Variants in NKIRAS1 observed in about 807,000 individuals in gnomAD.
NKIRAS1 encodes the protein NF-kappa-B inhibitor-interacting Ras-like protein 1.
In NKIRAS1, 16 loss-of-function variants were observed where a neutral mutation model predicts 19.8. The observed-to-expected ratio is 0.81, with a 90% CI of 0.55 to 1.23. The LOEUF is 1.23. Among genes scored for constraint, NKIRAS1 ranks in the 50% most tolerant of loss-of-function variants. The probability of loss-of-function intolerance (pLI) is 0.00; values close to 1 mark genes in which losing one functional copy is unlikely to be tolerated. For missense variants in NKIRAS1, 184 were observed against 220.0 expected (o/e 0.84, Z 1.04); for synonymous variants, 88 against 79.0 (o/e 1.11, Z -0.61).
intron 3 of NKIRAS1, among the ~76,000 whole-genome samples, chr3:23,904,756 TAA>T (rs771270628): frequency 3.2e-4 from 49 of 152,212 alleles, no homozygotes; most frequent in Non-Finnish European, 6.8e-4. Context: ...CTGATAAAGT[TAA>T]AGAGACACAC....
intron 3 of NKIRAS1, among the ~76,000 whole-genome samples, chr3:23,910,355 A>T (rs1703567774): frequency 6.7e-6 from 1 of 150,154 alleles, no homozygotes; most frequent in South Asian, 2.1e-4. Context: ...AGGTTTCACC[A>T]TGTTGGCCAG....
chr3:23,932,142 T>C (rs1705329199), intron 1 of NKIRAS1, among the ~76,000 whole-genome samples: 1 of 152,128 alleles, frequency 6.6e-6, no homozygotes, highest in Admixed American at 6.5e-5. Context: ...AAGTCAGAAG[T>C]GATCATAGAG....
chr3:23,910,659 C>A, intron 3 of NKIRAS1, 152 bp downstream of exon 3: 1 of 614,540 alleles, frequency 1.6e-6, no homozygotes. Context: ...GACTTTTTTC[C>A]CTCCTCTTTT....
rs1025769327 is a variant in NKIRAS1 at position 23,892,664 on chromosome 3, G to C, written c.*431C>G. On this transcript the variant is annotated 3_prime_UTR_variant, in exon 5 of 5. Coordinates refer to ENST00000425478, the MANE Select transcript of NKIRAS1 (RefSeq NM_020345.4). Reference sequence around the variant, plus strand: ...CACAAAAAAATGTTTTATAATCCTAGACATTAGATTAATGAACTTTTTAAA... The same window carrying C: ...CACAAAAAAATGTTTTATAATCCTACACATTAGATTAATGAACTTTTTAAA... 1 of 152,684 alleles carries C rather than the reference G, an allele frequency of 6.5e-6. No homozygotes were observed. The highest frequency in any genetic ancestry group is 2.4e-5 in the African/African-American group (1 of 41,450). The allele number at this position is 152,684 out of a possible 1,614,324, so 9.5% of individuals were successfully genotyped here.
In NKIRAS1 at chr3:23,916,924, C is replaced by T. The variant is rs1042950150; in HGVS notation, c.-280G>A. On this transcript the variant is annotated 5_prime_UTR_variant, in exon 1 of 5. Transcript: ENST00000425478. ...TTAGCCGCCGAGACCTCGCCGCCAACTCTCTCACCTCTCGAGACGCCCAGG... is the reference window on the plus strand; with the variant it reads ...TTAGCCGCCGAGACCTCGCCGCCAATTCTCTCACCTCTCGAGACGCCCAGG... 10 of 152,716 alleles carry T rather than the reference C, an allele frequency of 6.5e-5. No homozygotes were observed. The highest frequency in any genetic ancestry group is 2.2e-4 in the African/African-American group (9 of 41,470). 9.5% of individuals were successfully genotyped at this position (152,716 alleles called of 1,614,324 possible).
rs1701622093 is a variant in NKIRAS1 at position 23,893,357 on chromosome 3, A to G, written c.337-20T>C. The G allele has an allele frequency of 1.2e-6, 2 of 1,610,028 alleles. No individual in the cohort carries two copies. Among genetic ancestry groups the G allele is most frequent in the Non-Finnish European group, 1.7e-6 (2 of 1,178,070 alleles). On this transcript the variant is annotated intron_variant, in intron 4 of 4. Transcript: ENST00000425478. ...TGCTACCTGAAAGAAAACGGATTGA[A>G]AAGATCATACTAGTACTTTGCCAAC...
intron 1 of NKIRAS1, among the ~76,000 whole-genome samples, chr3:23,928,129 T>TAC (rs1287657348): frequency 9.5e-6 from 1 of 104,970 alleles, no homozygotes; most frequent in Non-Finnish European, 1.9e-5. Context: ...CACACACACA[T>TAC]ACACACACAC....
intron 4 of NKIRAS1, among the ~76,000 whole-genome samples, chr3:23,898,941 A>G (rs554988182): frequency 6.6e-6 from 1 of 152,154 alleles, no homozygotes; most frequent in African/African-American, 2.4e-5. Context: ...TGAACTGCAC[A>G]TGTGAGGGAT....
intron 1 of NKIRAS1, among the ~76,000 whole-genome samples, chr3:23,938,757 G>A (rs1386680543): frequency 6.6e-6 from 1 of 152,138 alleles, no homozygotes; most frequent in Non-Finnish European, 1.5e-5. Context: ...CATGCCACAT[G>A]TCTTCTGAGG....
intron 1 of NKIRAS1, chr3:23,946,052 G>A (rs1047443924): frequency 2.1e-6 from 2 of 969,800 alleles, no homozygotes; most frequent in African/African-American, 3.5e-5. Flanking sequence ...CGCGCTGGCT[G>A]GGAGCGCCGC....
chr3:23,914,018 T>G (rs1346282840), intron 1 of NKIRAS1, among the ~76,000 whole-genome samples: 1 of 152,224 alleles, frequency 6.6e-6, no homozygotes, highest in Admixed American at 6.5e-5. Flanking sequence ...ATTCAATCTG[T>G]GACCTATTAA....
chr3:23,891,428 G>GTATT lies in NKIRAS1; in HGVS notation c.*1663_*1666dup, dbSNP rs1354759205. ...GCTAAAAATAATGCATATTTAGTAGGTATTAGTTAGTTACCTATATTAGGA... is the reference window on the plus strand; with the variant it reads ...GCTAAAAATAATGCATATTTAGTAGGTATTTATTAGTTAGTTACCTATATTAGGA... On this transcript the variant is annotated 3_prime_UTR_variant, in exon 5 of 5. Transcript: ENST00000425478. 9 of 152,150 alleles carry GTATT rather than the reference G, an allele frequency of 5.9e-5. No individual in the cohort carries two copies. The highest frequency in any genetic ancestry group is 2.6e-4 in the Admixed American group (4 of 15,274). The allele number at this position is 152,150 out of a possible 1,614,324, so 9.4% of individuals were successfully genotyped here. A position where few individuals can be genotyped will look rare whatever the true frequency, so the allele number is the denominator to read the frequency against.
chr3:23,945,569 C>T (rs1330049919), intron 1 of NKIRAS1: 15 of 1,165,916 alleles, frequency 1.3e-5, no homozygotes, highest in African/African-American at 3.3e-5. Context: ...GCCGCCTCCG[C>T]GAGGGCACCA....
chr3:23,919,594 C>T (rs1379134662), upstream of NKIRAS1: 6 of 1,424,674 alleles, frequency 4.2e-6, no homozygotes, highest in Non-Finnish European at 3.7e-6. Context: ...AACTAGTCTG[C>T]AGATGTTTCT....
intron 4 of NKIRAS1, among the ~76,000 whole-genome samples, chr3:23,895,558 G>A (rs893863259): frequency 8.6e-5 from 13 of 151,742 alleles, no homozygotes; most frequent in African/African-American, 1.2e-4. Context: ...ATATTCACCC[G>A]GCAAAACCCC....
chr3:23,910,219 A>G (rs1274380926), intron 3 of NKIRAS1, among the ~76,000 whole-genome samples: 2 of 144,210 alleles, frequency 1.4e-5, no homozygotes, highest in African/African-American at 5.2e-5. Flanking sequence ...GTGTAGTAAC[A>G]CCATCTTGGC....
chr3:23,925,279 TAGAG>T (rs1274224205), intron 1 of NKIRAS1, among the ~76,000 whole-genome samples: 4 of 152,124 alleles, frequency 2.6e-5, no homozygotes, highest in African/African-American at 9.7e-5. Context: ...TCCACACTGG[TAGAG>T]AGAGTATTTT....
At chr3:23,924,837 A>G (rs1705182805) in intron 1 of NKIRAS1, among the ~76,000 whole-genome samples, 1 of 152,228 alleles carries the variant, frequency 6.6e-6, no homozygotes, top group Non-Finnish European at 1.5e-5. Context: ...TAGTAGCTAT[A>G]TTGTATCAGG....
intron 1 of NKIRAS1, among the ~76,000 whole-genome samples, chr3:23,944,783 G>A (rs569019990): frequency 6.6e-6 from 1 of 150,924 alleles, no homozygotes; most frequent in South Asian, 2.1e-4. Flanking sequence ...AGAGGGAAAG[G>A]GAAGGGTCTG....
Sources: allele counts gnomAD v4.1 joint callset (sites outside exome capture counted in the v4.1 genomes callset), GRCh38; gene constraint gnomAD v4.1.1; transcripts MANE v1.5; gene names NCBI Gene and HGNC (gene_info 2026-07-23, HGNC 2026-07-21).